The following ST6GALNAC5 variants were observed in gnomAD, a reference collection of about 807,000 sequenced individuals.
ST6GALNAC5 encodes the protein ST6 N-acetylgalactosaminide alpha-2,6-sialyltransferase 5.
A neutral mutation model predicts 33.6 loss-of-function variants in ST6GALNAC5; 27 were observed. The observed-to-expected ratio is 0.80, with a 90% CI of 0.59 to 1.11. The LOEUF is 1.11. Among genes scored for constraint, ST6GALNAC5 ranks in the 50% least tolerant of loss-of-function variants. The probability of loss-of-function intolerance (pLI) is 0.00; values close to 1 mark genes in which losing one functional copy is unlikely to be tolerated. For synonymous variants in ST6GALNAC5, 194 were observed against 171.2 expected (o/e 1.13, Z -1.04); for missense variants, 428 against 454.0 (o/e 0.94, Z 0.52).
chr1:76,957,842 A>AT (rs780300238), intron 2 of ST6GALNAC5, among the ~76,000 whole-genome samples: 3 of 152,036 alleles, frequency 2.0e-5, no homozygotes, highest in Admixed American at 6.6e-5. Context: ...TAGCTGATGG[A>AT]TTTTTCCCCC....
chr1:76,875,375 A>T (rs542059834), intron 2 of ST6GALNAC5, among the ~76,000 whole-genome samples: 1 of 152,044 alleles, frequency 6.6e-6, no homozygotes, highest in Non-Finnish European at 1.5e-5. Context: ...CCTAATGGAC[A>T]CCCTAAAGGA....
intron 2 of ST6GALNAC5, among the ~76,000 whole-genome samples, chr1:77,031,013 A>G (rs1335173349): frequency 6.6e-6 from 1 of 152,202 alleles, no homozygotes; most frequent in Non-Finnish European, 1.5e-5. Context: ...AATAACTTGC[A>G]TTGTGCACAT....
rs778477720 is a variant in ST6GALNAC5, at chr1:76,868,628, GGCGTCGGC to G, written c.148_155del (p.Ala50HisfsTer63). 1.2e-6 allele frequency: 2 copies of G among 1,610,206 alleles called. No individual in the cohort carries two copies. Among genetic ancestry groups the G allele is most frequent in the African/African-American group, 1.3e-5 (1 of 74,896 alleles). On this transcript the variant is annotated frameshift_variant, in exon 2 of 5. Transcript: ENST00000477717. LOFTEE classifies it high-confidence loss of function. This position sits in a 1 kb window ranked among gnomAD's most constrained non-coding sequence, Gnocchi z 4.3. Reference sequence around the variant, plus strand: ...AGCAGCAGCAGCAACAGCAGCAGCAGGCGTCGGCCACCGGCAGCTCGCAGCCGGCGGCG... The same window carrying G: ...AGCAGCAGCAGCAACAGCAGCAGCAGCACCGGCAGCTCGCAGCCGGCGGCG...
At chr1:76,877,159 A>G (rs1247144386) in intron 2 of ST6GALNAC5, among the ~76,000 whole-genome samples, 1 of 152,194 alleles carries the variant, frequency 6.6e-6, no homozygotes, top group Non-Finnish European at 1.5e-5. Context: ...AGTAACAGCA[A>G]AAGGAGGGTA....
intron 2 of ST6GALNAC5, among the ~76,000 whole-genome samples, chr1:76,889,877 T>C (rs1205567860): frequency 3.3e-5 from 5 of 152,176 alleles, no homozygotes; most frequent in Admixed American, 2.0e-4. Context: ...TTTGTCATAG[T>C]ATCTTCTTCT....
chr1:77,042,987 G>A (rs554726803), intron 2 of ST6GALNAC5, among the ~76,000 whole-genome samples: 57 of 152,130 alleles, frequency 3.7e-4, no homozygotes, highest in Admixed American at 1.1e-3. Context: ...GGCTGCCCTC[G>A]GGTGCTCTCA....
chr1:76,947,611 C>A (rs1647571287), intron 2 of ST6GALNAC5, among the ~76,000 whole-genome samples: 1 of 151,912 alleles, frequency 6.6e-6, no homozygotes, highest in Non-Finnish European at 1.5e-5. Flanking sequence ...GTGGCATGTG[C>A]CCATTGACCC....
intron 2 of ST6GALNAC5, among the ~76,000 whole-genome samples, chr1:76,898,579 C>T (rs930873437): frequency 5.9e-5 from 9 of 152,152 alleles, no homozygotes; most frequent in East Asian, 1.9e-4. Flanking sequence ...TGCTGCCGAA[C>T]GAGCCATGAA....
intron 2 of ST6GALNAC5, among the ~76,000 whole-genome samples, chr1:76,946,193 A>T (rs981132561): frequency 6.6e-6 from 1 of 152,088 alleles, no homozygotes; most frequent in African/African-American, 2.4e-5. Context: ...GCTACCTTCC[A>T]CCATCCTGAT....
At chr1:76,888,701 A>C (rs1653950713) in intron 2 of ST6GALNAC5, among the ~76,000 whole-genome samples, 1 of 152,052 alleles carries the variant, frequency 6.6e-6, no homozygotes, top group South Asian at 2.1e-4. Flanking sequence ...TAAAAATTAA[A>C]TGCTTGATTT....
At chr1:76,965,574 A>C (rs924150118) in intron 2 of ST6GALNAC5, among the ~76,000 whole-genome samples, 1 of 152,100 alleles carries the variant, frequency 6.6e-6, no homozygotes, top group Non-Finnish European at 1.5e-5. Context: ...TCACTCTGAC[A>C]GTAGTTTCTT....
At chr1:76,867,753 G>C in intron 1 of ST6GALNAC5, 63 bp downstream of exon 1, 3 of 1,611,566 alleles carry the variant, frequency 1.9e-6, no homozygotes, top group Non-Finnish European at 2.5e-6. Context: ...GGGTCCACGG[G>C]ACGCACCGTG....
chr1:76,939,265 G>A (rs1429096078), intron 2 of ST6GALNAC5, among the ~76,000 whole-genome samples: 1 of 152,088 alleles, frequency 6.6e-6, no homozygotes, highest in Non-Finnish European at 1.5e-5. Context: ...GCCAGTTCTG[G>A]CGATAGGAAA....
At chr1:76,981,694 C>A (rs943027167) in intron 2 of ST6GALNAC5, among the ~76,000 whole-genome samples, 21 of 152,164 alleles carry the variant, frequency 1.4e-4, no homozygotes, top group Non-Finnish European at 2.2e-4. Context: ...CAAGTGGGTC[C>A]CTGACCCCCT....
chr1:76,872,070 C>CACAA (rs1653518601), intron 2 of ST6GALNAC5, among the ~76,000 whole-genome samples: 1 of 35,734 alleles, frequency 2.8e-5, no homozygotes, highest in African/African-American at 1.6e-4. Flanking sequence ...ACCAAGCTAA[C>CACAA]ACACACACAC....
intron 2 of ST6GALNAC5, among the ~76,000 whole-genome samples, chr1:76,949,284 G>T (rs1647648882): frequency 6.6e-6 from 1 of 152,130 alleles, no homozygotes; most frequent in African/African-American, 2.4e-5. Flanking sequence ...TCACAGTCTT[G>T]ATCTGTCAGA....
At chr1:76,871,705 A>C (rs755111163) in intron 2 of ST6GALNAC5, among the ~76,000 whole-genome samples, 3 of 152,278 alleles carry the variant, frequency 2.0e-5, no homozygotes, top group Non-Finnish European at 2.9e-5. Context: ...ATCACTTTTC[A>C]TGGTCATATT....
intron 2 of ST6GALNAC5, among the ~76,000 whole-genome samples, chr1:76,915,235 A>C (rs1172925173): frequency 1.3e-5 from 2 of 151,456 alleles, no homozygotes; most frequent in African/African-American, 2.4e-5. Flanking sequence ...ACACTTTTAC[A>C]CTGTTGGTGG....
chr1:77,063,048 T>G lies in ST6GALNAC5; in HGVS notation c.853T>G (p.Ser285Ala). Residue 285 changes from serine to alanine, a missense_variant, in exon 5 of 5, where the codon TCC (serine) becomes GCC (alanine). Coordinates refer to ENST00000477717, the MANE Select transcript of ST6GALNAC5 (RefSeq NM_030965.3). ...FGPDECTMYL[S>A]HERGRKGSHH... is the part of the protein sequence containing the mutation. ...ACCTGATGAATGTACAATGTACCTCTCCCATGAGCGAGGACGCAAGGGCAG... is the reference window on the plus strand; with the variant it reads ...ACCTGATGAATGTACAATGTACCTCGCCCATGAGCGAGGACGCAAGGGCAG... The G allele has an allele frequency of 6.2e-7, 1 of 1,613,934 alleles. No individual in the cohort carries two copies. The highest frequency in any genetic ancestry group is 8.5e-7 in the Non-Finnish European group (1 of 1,179,918).
Sources: gnomAD v4.1 joint callset for allele counts (sites outside exome capture counted in the v4.1 genomes callset) on GRCh38, gnomAD v4.1.1 for gene constraint, Gnocchi (gnomAD v3.1) non-coding constraint, MANE v1.5 for transcripts, NCBI Gene and HGNC (gene_info 2026-07-23, HGNC 2026-07-21) for gene names.